The following MLLT3 variants were observed in gnomAD, a reference collection of about 807,000 sequenced individuals.
MLLT3 encodes MLLT3 super elongation complex subunit, also known as protein AF-9.
MLLT3 carries 4 observed loss-of-function variants against 53.2 expected under a neutral mutation model. The observed-to-expected ratio is 0.08, with a 90% CI of 0.04 to 0.17. The LOEUF (loss-of-function observed/expected upper bound fraction) is 0.17. Among genes scored for constraint, MLLT3 ranks in the 10% least tolerant of loss-of-function variants. The pLI, the probability that MLLT3 is intolerant of heterozygous loss-of-function variation, is 1.00. For missense variants in MLLT3, 569 were observed against 684.0 expected (o/e 0.83, Z 1.87); for synonymous variants, 283 against 230.6 (o/e 1.23, Z -2.06).
chr9:20,474,682 AG>A (rs1022660851), intron 2 of MLLT3, among the ~76,000 whole-genome samples: 3 of 152,158 alleles, frequency 2.0e-5, no homozygotes, highest in African/African-American at 7.2e-5. Flanking sequence ...TTGACCAACG[AG>A]GGGAAAAAAA....
chr9:20,506,648 G>GCA (rs933435820), intron 2 of MLLT3, among the ~76,000 whole-genome samples: 10 of 152,134 alleles, frequency 6.6e-5, no homozygotes, highest in Admixed American at 5.9e-4. Flanking sequence ...ACAGACCTTG[G>GCA]CACACATAAA....
chr9:20,459,236 T>C (rs917537824), intron 2 of MLLT3, among the ~76,000 whole-genome samples: 12 of 152,150 alleles, frequency 7.9e-5, no homozygotes, highest in African/African-American at 2.9e-4. Flanking sequence ...TGCCCCAAAC[T>C]GACATCCGAA....
chr9:20,506,251 G>T (rs1298297229), intron 2 of MLLT3, among the ~76,000 whole-genome samples: 1 of 152,070 alleles, frequency 6.6e-6, no homozygotes, highest in Non-Finnish European at 1.5e-5. Flanking sequence ...ATGTTGGCCA[G>T]GCTGGTCTTG....
chr9:20,497,717 G>C (rs1309649298), intron 2 of MLLT3, among the ~76,000 whole-genome samples: 3 of 152,074 alleles, frequency 2.0e-5, no homozygotes, highest in Non-Finnish European at 4.4e-5. Flanking sequence ...GTGGACATCT[G>C]GGTGTCCTTC....
intron 5 of MLLT3, among the ~76,000 whole-genome samples, chr9:20,392,412 A>G (rs760784542): frequency 4.6e-5 from 7 of 152,208 alleles, no homozygotes; most frequent in Non-Finnish European, 8.8e-5. Flanking sequence ...TATTAATACA[A>G]TCTTAGATTG....
At chr9:20,553,204 A>T (rs117253488) in intron 2 of MLLT3, among the ~76,000 whole-genome samples, 181 of 152,108 alleles carry the variant, frequency 1.2e-3, no homozygotes, top group Non-Finnish European at 2.1e-3. Flanking sequence ...AAAACAAAAC[A>T]AAAAAGCCCT....
rs578080202 is a variant in MLLT3, at chr9:20,346,650, C to T, written c.1576-76G>A. The T allele has an allele frequency of 8.6e-5, 119 of 1,387,730 alleles. 2 individuals are homozygous for T. Among genetic ancestry groups the T allele is most frequent in the South Asian group, 1.5e-4 (11 of 75,016 alleles). 86.0% of individuals were successfully genotyped at this position (1,387,730 alleles called of 1,614,324 possible). A position where few individuals can be genotyped will look rare whatever the true frequency, so the allele number is the denominator to read the frequency against. On this transcript the variant is annotated intron_variant, in intron 10 of 10. Transcript: ENST00000380338. ...AGGCAAAGAGAGAGTAATGGAGGGG[C>T]GATCAAATATGGAATCAAGTGATAA...
At chr9:20,586,901 CTTTA>C in intron 2 of MLLT3, among the ~76,000 whole-genome samples, 1 of 152,150 alleles carries the variant, frequency 6.6e-6, no homozygotes, top group South Asian at 2.1e-4. Context: ...CTGCTACATC[CTTTA>C]TTTTGTTTTT....
At chr9:20,492,715 T>A (rs759024602) in intron 2 of MLLT3, among the ~76,000 whole-genome samples, 5 of 151,944 alleles carry the variant, frequency 3.3e-5, no homozygotes, top group Non-Finnish European at 5.9e-5. Context: ...CTAAACTAAA[T>A]ATCTAAGCAA....
chr9:20,380,822 C>T (rs1397832192), intron 5 of MLLT3, among the ~76,000 whole-genome samples: 1 of 151,944 alleles, frequency 6.6e-6, no homozygotes, highest in South Asian at 2.1e-4. Flanking sequence ...TAGCTGGCTG[C>T]TGGAAACTTG....
At chr9:20,427,700 A>T (rs1823171096) in intron 4 of MLLT3, among the ~76,000 whole-genome samples, 2 of 152,070 alleles carry the variant, frequency 1.3e-5, no homozygotes, top group Admixed American at 1.3e-4. Context: ...GTAAGAAACA[A>T]GAGATCATGT....
intron 2 of MLLT3, among the ~76,000 whole-genome samples, chr9:20,585,699 C>G (rs1248434175): frequency 6.6e-6 from 1 of 152,300 alleles, no homozygotes; most frequent in East Asian, 1.9e-4. Context: ...GCCATCTGTA[C>G]ATTTTCTTTG....
intron 2 of MLLT3, among the ~76,000 whole-genome samples, chr9:20,564,985 A>G (rs764096495): frequency 6.6e-6 from 1 of 152,190 alleles, no homozygotes; most frequent in Non-Finnish European, 1.5e-5. Context: ...CACGTCTTCC[A>G]TTTATCTGTA....
chr9:20,537,489 T>C (rs1355595413), intron 2 of MLLT3, among the ~76,000 whole-genome samples: 1 of 152,216 alleles, frequency 6.6e-6, no homozygotes, highest in Admixed American at 6.5e-5. Context: ...TAAGCTCCAG[T>C]GCATGGTTTT....
At chr9:20,546,838 G>GT (rs1818801067) in intron 2 of MLLT3, among the ~76,000 whole-genome samples, 1 of 152,268 alleles carries the variant, frequency 6.6e-6, no homozygotes, top group Non-Finnish European at 1.5e-5. Flanking sequence ...AAGGTTGCCA[G>GT]GTGGAGACTG....
chr9:20,612,144 G>C (rs1302649012), intron 2 of MLLT3, among the ~76,000 whole-genome samples: 1 of 152,146 alleles, frequency 6.6e-6, no homozygotes, highest in Non-Finnish European at 1.5e-5. Context: ...TGTTTTAAAA[G>C]TAAACATTGA....
At chr9:20,531,989 C>T (rs566396235) in intron 2 of MLLT3, among the ~76,000 whole-genome samples, 37 of 152,066 alleles carry the variant, frequency 2.4e-4, no homozygotes, top group Admixed American at 7.2e-4. Flanking sequence ...ATTCACTATT[C>T]GTTAGCTTAG....
At chr9:20,574,743 C>A (rs1184996845) in intron 2 of MLLT3, among the ~76,000 whole-genome samples, 1 of 152,132 alleles carries the variant, frequency 6.6e-6, no homozygotes, top group Admixed American at 6.6e-5. Flanking sequence ...GCTGTGGCAA[C>A]TTCTGGAAAT....
chr9:20,383,654 A>G (rs531904210), intron 5 of MLLT3, among the ~76,000 whole-genome samples: 2 of 152,100 alleles, frequency 1.3e-5, no homozygotes, highest in East Asian at 3.9e-4. Flanking sequence ...AATAAATATA[A>G]AATTATGATA....
Sources: allele counts gnomAD v4.1 joint callset (sites outside exome capture counted in the v4.1 genomes callset), GRCh38; gene constraint gnomAD v4.1.1; transcripts MANE v1.5; gene names NCBI Gene and HGNC (gene_info 2026-07-23, HGNC 2026-07-21).